Variants in SYT2 observed in about 807,000 individuals in gnomAD.
SYT2 encodes synaptotagmin 2, also known as synaptotagmin-2.
A neutral mutation model predicts 39.9 loss-of-function variants in SYT2; 15 were observed. The observed-to-expected ratio is 0.38, with a 90% CI of 0.25 to 0.58. The LOEUF (loss-of-function observed/expected upper bound fraction) is 0.58. SYT2 is among the 20% of genes least tolerant of loss of function. The probability of loss-of-function intolerance (pLI) is 0.70; values close to 1 mark genes in which losing one functional copy is unlikely to be tolerated. For synonymous variants in SYT2, 181 were observed against 204.5 expected, an observed-to-expected ratio of 0.89 and a Z score of 0.98; for missense variants, 389 against 530.3, an observed-to-expected ratio of 0.73 and a Z score of 2.62.
At position 202,613,068 on chromosome 1, in the gene SYT2, C is replaced by CTTT. The variant is rs146069389; in HGVS notation, c.-17-7282_-17-7280dup. ...ACATTGCCGAACTCATTGGTTCTTC[C>CTTT]TTTTTTTTTTTTTTTTTTTTTTTTT... On this transcript the variant is annotated intron_variant, in intron 1 of 8. Transcript: ENST00000367268. Among the ~76,000 whole-genome samples the CTTT allele has an allele frequency of 4.0e-5, 3 of 75,114 alleles. 1 individual carries two copies. The highest frequency in any genetic ancestry group is 1.8e-4 in the African/African-American group (3 of 17,004). 49.3% of individuals were successfully genotyped at this position (75,114 alleles called of 152,430 possible).
intron 1 of SYT2, among the ~76,000 whole-genome samples, chr1:202,651,989 C>T (rs1200746302): frequency 3.9e-5 from 6 of 152,294 alleles, no homozygotes; most frequent in Non-Finnish European, 7.4e-5. Context: ...ACCCGGGAGG[C>T]GGAGGTTGCA....
intron 1 of SYT2, among the ~76,000 whole-genome samples, chr1:202,691,605 A>G (rs948699839): frequency 1.1e-4 from 16 of 149,540 alleles, no homozygotes; most frequent in Admixed American, 9.4e-4. Context: ...AGCTGAAATC[A>G]TGCCACTGTA....
At chr1:202,707,184 T>G (rs529387267) in intron 1 of SYT2, among the ~76,000 whole-genome samples, 19 of 152,130 alleles carry the variant, frequency 1.2e-4, no homozygotes, top group Non-Finnish European at 2.8e-4. Flanking sequence ...CTCAGTAACA[T>G]GTGTAGGGCC....
At chr1:202,613,440 C>T (rs1467166674) in intron 1 of SYT2, among the ~76,000 whole-genome samples, 7 of 151,926 alleles carry the variant, frequency 4.6e-5, no homozygotes, top group Non-Finnish European at 8.8e-5. Context: ...CTGGTGGAGT[C>T]CTTAGGATTT....
At chr1:202,693,306 T>C (rs909793645) in intron 1 of SYT2, among the ~76,000 whole-genome samples, 2 of 152,076 alleles carry the variant, frequency 1.3e-5, no homozygotes, top group African/African-American at 4.8e-5. Context: ...AGAGACTAAT[T>C]CCAAAGAGAT....
At chr1:202,651,582 C>T (rs763404149) in intron 1 of SYT2, among the ~76,000 whole-genome samples, 6 of 152,168 alleles carry the variant, frequency 3.9e-5, no homozygotes, top group Non-Finnish European at 7.4e-5. Flanking sequence ...TGATTCCAGA[C>T]TATTGGACTC....
chr1:202,674,499 T>C (rs1004028403), intron 1 of SYT2, among the ~76,000 whole-genome samples: 2 of 152,198 alleles, frequency 1.3e-5, no homozygotes, highest in Non-Finnish European at 2.9e-5. Flanking sequence ...TGTAATATGA[T>C]GTGATATGTA....
chr1:202,596,534 C>T lies in SYT2; in HGVS notation c.*223G>A, dbSNP rs928644695. The T allele has an allele frequency of 7.7e-6, 4 of 521,328 alleles. No individual in the cohort carries two copies. Among genetic ancestry groups the T allele is most frequent in the South Asian group, 2.3e-5 (1 of 42,876 alleles). 32.3% of individuals were successfully genotyped at this position (521,328 alleles called of 1,614,324 possible). On this transcript the variant is annotated 3_prime_UTR_variant, in exon 9 of 9. Transcript: ENST00000367268. ...ATGCAGCAAGGACAGCTCCTGGGAC[C>T]GTGAACAGAGCCAGGCTTCTCTTTC...
At position 202,705,033 on chromosome 1, in the gene SYT2, G is replaced by A. The variant is rs376770008; in HGVS notation, c.-18+5225C>T. Among the ~76,000 whole-genome samples the A allele has an allele frequency of 3.1e-3, 471 of 152,332 alleles. 2 individuals carry two copies. The highest frequency in any genetic ancestry group is 0.014 in the Middle Eastern group (4 of 294). On this transcript the variant is annotated intron_variant, in intron 1 of 8. Coordinates refer to ENST00000367268, the MANE Select transcript of SYT2 (RefSeq NM_177402.5). Reference sequence around the variant, plus strand: ...CCAGCCTCCTGCTTCTACTCAACGCGTTAGTGGCCTCATCCCAAGGACCCG... The same window carrying A: ...CCAGCCTCCTGCTTCTACTCAACGCATTAGTGGCCTCATCCCAAGGACCCG...
At chr1:202,647,981 GT>G (rs142311456) in intron 1 of SYT2, among the ~76,000 whole-genome samples, 1,863 of 152,350 alleles carry the variant, frequency 0.012, 41 homozygotes, top group African/African-American at 0.043. Flanking sequence ...GAAGCCAGTG[GT>G]GGGAGTAGAA....
At chr1:202,624,883 GCCTGTGTGGTA>G (rs1189438630) in intron 1 of SYT2, among the ~76,000 whole-genome samples, 1 of 116,708 alleles carries the variant, frequency 8.6e-6, no homozygotes, top group Middle Eastern at 6.5e-3. Flanking sequence ...TGTGATGTGT[GCCTGTGTGGTA>G]TGTGGCGTGT....
intron 1 of SYT2, among the ~76,000 whole-genome samples, chr1:202,640,241 C>G (rs1300510882): frequency 7.4e-5 from 11 of 149,616 alleles, no homozygotes; most frequent in African/African-American, 2.7e-4. Flanking sequence ...AACCTCCCAC[C>G]CCACCCCACC....
At chr1:202,681,440 C>T (rs1653522998) in intron 1 of SYT2, among the ~76,000 whole-genome samples, 2 of 152,206 alleles carry the variant, frequency 1.3e-5, no homozygotes, top group South Asian at 4.1e-4. Context: ...TTAACTTCTC[C>T]TGCCATGGCC....
intron 1 of SYT2, among the ~76,000 whole-genome samples, chr1:202,691,477 C>A (rs372656300): frequency 2.0e-5 from 3 of 151,584 alleles, no homozygotes; most frequent in East Asian, 3.9e-4. Flanking sequence ...AGTGAGAGCC[C>A]GTCTCTATAA....
chr1:202,652,866 T>G (rs763458989), intron 1 of SYT2, among the ~76,000 whole-genome samples: 2 of 152,188 alleles, frequency 1.3e-5, no homozygotes, highest in Non-Finnish European at 2.9e-5. Flanking sequence ...TCAAGGAACA[T>G]TCATCACCAA....
intron 7 of SYT2, among the ~76,000 whole-genome samples, 180 bp downstream of exon 7, chr1:202,600,177 G>A (rs1490593050): frequency 6.6e-6 from 1 of 152,242 alleles, no homozygotes; most frequent in East Asian, 1.9e-4. Flanking sequence ...CTCTGATGGG[G>A]ACAAGGGGCC....
At position 202,602,483 on chromosome 1, in the gene SYT2, G is replaced by C; in HGVS notation, c.528C>G (p.Asp176Glu). 6.2e-7 allele frequency: 1 copy of C among 1,614,076 alleles called. No individual in the cohort carries two copies. Among genetic ancestry groups the C allele is most frequent in the Non-Finnish European group, 8.5e-7 (1 of 1,179,996 alleles). The change falls in exon 5 of 9, where the codon GAC becomes GAG. Residue 176 changes from aspartate (D) to glutamate (E), a missense_variant. Physicochemically the swap from Asp to Glu is conservative, Grantham distance 45 (BLOSUM62 2). Around this residue, in one of 4 missense-constraint regions of SYT2, gnomAD observed 280 missense variants for 335.6 expected, o/e 0.83. Transcript: ENST00000367268. ...GAAGGAGGAAGACCTTGACATAAGG[G>C]TCTGAGGTGCCTCCCATGTCCAGGG... ...LPALDMGGTS[D>E]PYVKVFLLPD...
At chr1:202,685,556 TC>T (rs1275997799) in intron 1 of SYT2, among the ~76,000 whole-genome samples, 1 of 152,162 alleles carries the variant, frequency 6.6e-6, no homozygotes, top group Non-Finnish European at 1.5e-5. Context: ...CCAGCTTCTT[TC>T]CCAGGTAATT....
At chr1:202,651,587 G>A (rs1454457602) in intron 1 of SYT2, among the ~76,000 whole-genome samples, 1 of 152,084 alleles carries the variant, frequency 6.6e-6, no homozygotes, top group African/African-American at 2.4e-5. Flanking sequence ...CCAGACTATT[G>A]GACTCAAATG....
Sources: gnomAD v4.1 joint callset for allele counts (sites outside exome capture counted in the v4.1 genomes callset) on GRCh38, gnomAD v4.1.1 for gene constraint, gnomAD v4.1.1 regional missense constraint, MANE v1.5 for transcripts, NCBI Gene and HGNC (gene_info 2026-07-23, HGNC 2026-07-21) for gene names.